The following GULP1 variants were observed in gnomAD, a reference collection of about 807,000 sequenced individuals.
GULP1 encodes PTB domain-containing engulfment adapter protein 1.
Under a neutral mutation model 40.9 loss-of-function variants are expected in GULP1, and 19 were observed. The observed-to-expected ratio is 0.46, with a 90% CI of 0.32 to 0.68. The LOEUF (loss-of-function observed/expected upper bound fraction) is 0.68, where lower values mean the gene tolerates loss of function less well. Among genes scored for constraint, GULP1 ranks in the 30% least tolerant of loss-of-function variants. GULP1 has a pLI of 0.03. For missense variants in GULP1, 312 were observed against 362.2 expected (o/e 0.86, Z 1.12); for synonymous variants, 119 against 117.6 (o/e 1.01, Z -0.08).
intron 2 of GULP1, among the ~76,000 whole-genome samples, chr2:188,445,349 T>C (rs1394987268): frequency 2.0e-5 from 3 of 152,054 alleles, no homozygotes; most frequent in Non-Finnish European, 4.4e-5. Flanking sequence ...ATGCATTTGA[T>C]TGGAAGAGAG....
At chr2:188,390,696 A>C (rs1486207484) in intron 2 of GULP1, among the ~76,000 whole-genome samples, 1 of 152,064 alleles carries the variant, frequency 6.6e-6, no homozygotes, top group African/African-American at 2.4e-5. Flanking sequence ...GCCTAGGCTG[A>C]AGTTCAGAAG....
rs188641769 is a variant in GULP1 at position 188,421,117 on chromosome 2, C to A, written c.-45+37228C>A. Among the ~76,000 whole-genome samples the A allele has an allele frequency of 3.3e-5, 5 of 152,136 alleles. No homozygotes were observed. The East Asian group carries it at 9.7e-4, about 29-fold the overall frequency. On this transcript the variant is annotated intron_variant, in intron 2 of 11. Transcript: ENST00000409830. ...AAATTGGAAAAGAGGTAAAATTCTC[C>A]CTATTTATTGATGACATGATCCTAT...
intron 1 of GULP1, among the ~76,000 whole-genome samples, chr2:188,375,870 G>C (rs2152467032): frequency 6.6e-6 from 1 of 152,138 alleles, no homozygotes; most frequent in Non-Finnish European, 1.5e-5. Context: ...TTACAGATAT[G>C]TTCACTCCCC....
At chr2:188,345,669 C>G (rs1406817159) in intron 1 of GULP1, among the ~76,000 whole-genome samples, 1 of 152,012 alleles carries the variant, frequency 6.6e-6, no homozygotes, top group Non-Finnish European at 1.5e-5. Flanking sequence ...GTGTGGGCCA[C>G]TCTTTCAAGA....
intron 2 of GULP1, among the ~76,000 whole-genome samples, chr2:188,461,819 A>G (rs1185513964): frequency 2.0e-5 from 3 of 151,848 alleles, no homozygotes; most frequent in Admixed American, 6.6e-5. Context: ...TTTATTTGCA[A>G]TGTCTCTGTT....
intron 2 of GULP1, among the ~76,000 whole-genome samples, chr2:188,444,009 G>A (rs1575290970): frequency 6.6e-6 from 1 of 151,820 alleles, no homozygotes; most frequent in East Asian, 1.9e-4. Context: ...ATCCACTGTG[G>A]CATCCTATTT....
intron 2 of GULP1, among the ~76,000 whole-genome samples, chr2:188,394,124 A>G (rs2050901792): frequency 4.6e-5 from 7 of 151,772 alleles, no homozygotes. Context: ...AAGTTTTCCA[A>G]GCTTTTTGCT....
intron 1 of GULP1, among the ~76,000 whole-genome samples, chr2:188,351,441 G>A (rs2044430125): frequency 6.6e-6 from 1 of 151,962 alleles, no homozygotes; most frequent in Non-Finnish European, 1.5e-5. Flanking sequence ...TAACTATGAG[G>A]GGTAGTAGGC....
chr2:188,425,693 C>A (rs12615029), intron 2 of GULP1, among the ~76,000 whole-genome samples: 151,230 of 152,270 alleles, frequency 0.99, 75,108 homozygotes, highest in East Asian at 1. Context: ...TTGCACACAA[C>A]AGAGACATAG....
chr2:188,564,337 CT>C, intron 7 of GULP1, among the ~76,000 whole-genome samples: 1 of 149,310 alleles, frequency 6.7e-6, no homozygotes, highest in African/African-American at 2.5e-5. Flanking sequence ...ATAATATCAA[CT>C]TTTTTACATA....
intron 2 of GULP1, 33 bp from the exon 3 acceptor site, chr2:188,477,626 T>C: frequency 8.8e-7 from 1 of 1,139,524 alleles, no homozygotes; most frequent in Non-Finnish European, 1.3e-6. Context: ...AACAGTCCTT[T>C]GTTTATGTTT....
chr2:188,365,233 C>G (rs2046629154), intron 1 of GULP1, among the ~76,000 whole-genome samples: 1 of 148,300 alleles, frequency 6.7e-6, no homozygotes, highest in South Asian at 2.2e-4. Context: ...TGGTCCTATA[C>G]TCCTGCCCTG....
At chr2:188,382,847 G>A (rs2049175360) in intron 1 of GULP1, among the ~76,000 whole-genome samples, 1 of 152,132 alleles carries the variant, frequency 6.6e-6, no homozygotes, top group Non-Finnish European at 1.5e-5. Context: ...AGAATATTGT[G>A]GCTAAGCTGG....
chr2:188,564,840 G>A (rs138815771), intron 7 of GULP1, among the ~76,000 whole-genome samples: 3 of 151,910 alleles, frequency 2.0e-5, no homozygotes, highest in African/African-American at 4.8e-5. Context: ...AAGTCAGGGT[G>A]ATATTAATGT....
At chr2:188,360,014 T>C (rs1049591802) in intron 1 of GULP1, among the ~76,000 whole-genome samples, 21 of 152,258 alleles carry the variant, frequency 1.4e-4, no homozygotes, top group Non-Finnish European at 1.6e-4. Flanking sequence ...TTATCAAGCC[T>C]TGCTGATTTT....
At chr2:188,369,746 T>G (rs2047352932) in intron 1 of GULP1, among the ~76,000 whole-genome samples, 1 of 152,262 alleles carries the variant, frequency 6.6e-6, no homozygotes. Context: ...TATTCCTCTG[T>G]GTCTTTGGTT....
At chr2:188,406,173 T>C (rs1277614309) in intron 2 of GULP1, among the ~76,000 whole-genome samples, 1 of 152,196 alleles carries the variant, frequency 6.6e-6, no homozygotes, top group African/African-American at 2.4e-5. Flanking sequence ...TATCAAATAG[T>C]ATTTTGTGCC....
chr2:188,593,153 G>A (rs995280650), intron 11 of GULP1: 1 of 152,050 alleles, frequency 6.6e-6, no homozygotes. Flanking sequence ...TTACAGGAAA[G>A]GGTAGGAATG....
intron 2 of GULP1, among the ~76,000 whole-genome samples, chr2:188,449,444 T>C (rs2058660439): frequency 6.6e-6 from 1 of 152,188 alleles, no homozygotes; most frequent in African/African-American, 2.4e-5. Context: ...ATACATCTAT[T>C]TATTTTGCTC....
Sources: allele counts gnomAD v4.1 joint callset (sites outside exome capture counted in the v4.1 genomes callset), GRCh38; gene constraint gnomAD v4.1.1; transcripts MANE v1.5; gene names NCBI Gene and HGNC (gene_info 2026-07-23, HGNC 2026-07-21).